The following PALD1 variants were observed in gnomAD, a reference collection of about 807,000 sequenced individuals.
The protein encoded by PALD1 is paladin.
PALD1 carries 57 observed loss-of-function variants against 96.0 expected under a neutral mutation model. The ratio of observed to expected loss-of-function variants is 0.59; its 90% CI spans 0.48 to 0.74. PALD1 has a LOEUF of 0.74. PALD1 is among the 30% of genes least tolerant of loss of function. The pLI is 0.00. For synonymous variants in PALD1, 464 were observed against 473.6 expected, an observed-to-expected ratio of 0.98 and a Z score of 0.26; for missense variants, 1,063 against 1,143.7, an observed-to-expected ratio of 0.93 and a Z score of 1.02.
rs574905748 is a variant in PALD1 at position 70,481,802 on chromosome 10, C to G, written c.-30+2743C>G. 2.7e-4 allele frequency among the ~76,000 whole-genome samples: 41 copies of G among 152,314 alleles called. No individual in the cohort carries two copies. In the South Asian group the frequency reaches 6.8e-3, roughly 25 times the overall value. ...CCGTGGGCTTGCACAGGGAAGGGGT[C>G]CCCCACCTGGCTATGCTCAGGTCTC... On this transcript the variant is annotated intron_variant, in intron 1 of 19. Transcript: ENST00000263563.
intron 1 of PALD1, among the ~76,000 whole-genome samples, chr10:70,482,245 C>G (rs770818539): frequency 1.2e-4 from 18 of 152,112 alleles, no homozygotes; most frequent in Admixed American, 2.6e-4. Flanking sequence ...GACCTCCATA[C>G]ACGGGGTCAG....
intron 1 of PALD1, among the ~76,000 whole-genome samples, chr10:70,517,593 C>A (rs572662847): frequency 3.3e-5 from 5 of 152,238 alleles, no homozygotes; most frequent in Non-Finnish European, 7.4e-5. Context: ...CCGCTCACCT[C>A]GGCTTTCCAA....
chr10:70,512,635 C>T (rs1400292620), intron 1 of PALD1, among the ~76,000 whole-genome samples: 1 of 152,230 alleles, frequency 6.6e-6, no homozygotes, highest in South Asian at 2.1e-4. Flanking sequence ...GGCCAAGAAG[C>T]GGGGACTGAA....
chr10:70,459,588 A>G, the PALD1 span, among the ~76,000 whole-genome samples: 3 of 152,142 alleles, frequency 2.0e-5, no homozygotes, highest in Admixed American at 6.5e-5. Flanking sequence ...AGGGGCCCAC[A>G]TGACCTTTGC....
chr10:70,487,536 C>A (rs1044243367), intron 1 of PALD1, among the ~76,000 whole-genome samples: 1 of 151,618 alleles, frequency 6.6e-6, no homozygotes, highest in African/African-American at 2.4e-5. Flanking sequence ...ATAAAATAAA[C>A]CATTTTAAAG....
At chr10:70,534,288 C>T in intron 8 of PALD1, 137 bp from the exon 9 acceptor site, 3 of 752,156 alleles carry the variant, frequency 4.0e-6, no homozygotes, top group East Asian at 5.5e-5. Context: ...GGGAAATGTC[C>T]CCTGCTTCCC....
intron 1 of PALD1, among the ~76,000 whole-genome samples, chr10:70,523,627 A>AAG (rs971328930): frequency 2.0e-5 from 3 of 152,260 alleles, no homozygotes; most frequent in Non-Finnish European, 2.9e-5. Context: ...CCTTGCCAAA[A>AAG]AGAGAGAGAA....
At chr10:70,481,593 G>A (rs1845933113) in intron 1 of PALD1, among the ~76,000 whole-genome samples, 1 of 152,210 alleles carries the variant, frequency 6.6e-6, no homozygotes, top group Admixed American at 6.5e-5. Flanking sequence ...TGTGTGGCCT[G>A]GGTAGGGTGC....
chr10:70,471,248 C>T, the PALD1 span, among the ~76,000 whole-genome samples: 1 of 152,234 alleles, frequency 6.6e-6, no homozygotes, highest in African/African-American at 2.4e-5. Context: ...CATGAGCCAA[C>T]GCACTCAGCC....
chr10:70,511,430 C>G (rs1205989298), intron 1 of PALD1, among the ~76,000 whole-genome samples: 4 of 152,110 alleles, frequency 2.6e-5, no homozygotes, highest in Admixed American at 2.0e-4. Context: ...GCAGCAGGAT[C>G]GAGACAGGGA....
chr10:70,502,116 T>G (rs1463879436), intron 1 of PALD1, among the ~76,000 whole-genome samples: 1 of 152,142 alleles, frequency 6.6e-6, no homozygotes, highest in Non-Finnish European at 1.5e-5. Flanking sequence ...CTGGGCAACA[T>G]AGTGAGACCC....
chr10:70,498,181 T>C (rs1271780197), intron 1 of PALD1, among the ~76,000 whole-genome samples: 1 of 152,232 alleles, frequency 6.6e-6, no homozygotes, highest in Non-Finnish European at 1.5e-5. Flanking sequence ...TATTTCTTCT[T>C]TTGTGTCTGG....
chr10:70,529,734 T>G (rs1051728377), intron 3 of PALD1, among the ~76,000 whole-genome samples, 155 bp from the exon 4 acceptor site: 2 of 152,200 alleles, frequency 1.3e-5, no homozygotes, highest in Non-Finnish European at 2.9e-5. Context: ...TTTTGTCTGT[T>G]TTTTCCATGA....
At position 70,532,665 on chromosome 10, in the gene PALD1, C is replaced by A. The variant is rs1189486684; in HGVS notation, c.678C>A (p.Tyr226Ter). The A allele has an allele frequency of 1.2e-6, 2 of 1,614,084 alleles. No individual in the cohort carries two copies. Among genetic ancestry groups the A allele is most frequent in the Admixed American group, 1.7e-5 (1 of 60,014 alleles). The part of the protein sequence containing the change: ...AQLSENTYHV[Y>*]HNTEDLWGEP... Reference sequence around the variant, plus strand: ...TGAGCGAGAACACATACCATGTGTACCATAACACCGAGGACCTGTGGGGGG... The same window carrying A: ...TGAGCGAGAACACATACCATGTGTAACATAACACCGAGGACCTGTGGGGGG... The change falls in exon 6 of 20, where the codon TAC becomes TAA. Residue 226 changes from tyrosine (Y) to a stop codon, truncating the protein, a stop_gained. Transcript: ENST00000263563. LOFTEE classifies it high-confidence loss of function.
chr10:70,505,779 G>A (rs573411590), intron 1 of PALD1, among the ~76,000 whole-genome samples: 2 of 152,122 alleles, frequency 1.3e-5, no homozygotes, highest in Non-Finnish European at 2.9e-5. Context: ...CCAGCATTTT[G>A]GGAGGCTGAG....
chr10:70,469,829 T>C, the PALD1 span, among the ~76,000 whole-genome samples: 1 of 152,188 alleles, frequency 6.6e-6, no homozygotes, highest in African/African-American at 2.4e-5. Context: ...AGTCTCGCTC[T>C]GTCGCCCAGG....
chr10:70,539,501 C>A lies in PALD1; in HGVS notation c.1726-79C>A. The A allele has an allele frequency of 7.4e-7, 1 of 1,344,792 alleles. No homozygotes were observed. Among genetic ancestry groups the A allele is most frequent in the Non-Finnish European group, 1.0e-6 (1 of 994,012 alleles). The allele number at this position is 1,344,792 out of a possible 1,614,324, so 83.3% of individuals were successfully genotyped here. A position where few individuals can be genotyped will look rare whatever the true frequency, so the allele number is the denominator to read the frequency against. Reference sequence around the variant, plus strand: ...GACTGGAAGCCAGGGCCAGGCCTGGCCATGGCAGGCTGTGGCCTTTCAGGG... The same window carrying A: ...GACTGGAAGCCAGGGCCAGGCCTGGACATGGCAGGCTGTGGCCTTTCAGGG... On this transcript the variant is annotated intron_variant, in intron 14 of 19. Coordinates refer to ENST00000263563, the MANE Select transcript of PALD1 (RefSeq NM_014431.3). The surrounding 1 kb of genome is among the most constrained non-coding windows in gnomAD (Gnocchi z 4.5).
intron 18 of PALD1, among the ~76,000 whole-genome samples, chr10:70,549,904 C>T (rs79764471): frequency 0.014 from 2,080 of 152,264 alleles, 57 homozygotes; most frequent in African/African-American, 0.048. Flanking sequence ...GATTCTTACC[C>T]GCTCCCACCA....
chr10:70,534,141 T>C (rs1847057661), intron 8 of PALD1, 68 bp downstream of exon 8: 1 of 1,436,126 alleles, frequency 7.0e-7, no homozygotes, highest in Non-Finnish European at 9.2e-7. Flanking sequence ...TGCCCCACAG[T>C]GTGGGGACAT....
Sources: allele counts gnomAD v4.1 joint callset (sites outside exome capture counted in the v4.1 genomes callset), GRCh38; gene constraint gnomAD v4.1.1; non-coding constraint Gnocchi (gnomAD v3.1); transcripts MANE v1.5; gene names NCBI Gene and HGNC (gene_info 2026-07-23, HGNC 2026-07-21).